KIAA1958: variants seen among roughly 807,000 people sequenced by gnomAD.
KIAA1958 encodes uncharacterized protein KIAA1958.
In KIAA1958, 14 loss-of-function variants were observed where a neutral mutation model predicts 47.2. The observed-to-expected ratio is 0.30, with a 90% CI of 0.20 to 0.46. The LOEUF is 0.46. Among genes scored for constraint, KIAA1958 ranks in the 20% least tolerant of loss-of-function variants. The probability of loss-of-function intolerance (pLI) is 1.00; values close to 1 mark genes in which losing one functional copy is unlikely to be tolerated. For missense variants in KIAA1958, 803 were observed against 909.2 expected (o/e 0.88, Z 1.50); for synonymous variants, 354 against 353.3 (o/e 1.00, Z -0.02).
intron 1 of KIAA1958, among the ~76,000 whole-genome samples, chr9:112,546,353 C>T (rs1835031533): frequency 6.6e-6 from 1 of 152,114 alleles, no homozygotes; most frequent in Admixed American, 6.5e-5. Context: ...AATTCCCTGC[C>T]CCTTTCCTAG....
At chr9:112,594,469 A>G (rs1272103733) in intron 2 of KIAA1958, among the ~76,000 whole-genome samples, 1 of 152,152 alleles carries the variant, frequency 6.6e-6, no homozygotes, top group Non-Finnish European at 1.5e-5. Flanking sequence ...TAGACATTTT[A>G]TGTAAGTGCA....
intron 1 of KIAA1958, among the ~76,000 whole-genome samples, chr9:112,545,506 T>C (rs1392490438): frequency 6.6e-6 from 1 of 152,200 alleles, no homozygotes; most frequent in South Asian, 2.1e-4. Flanking sequence ...AATATGTATA[T>C]TTTTGTACTT....
chr9:112,540,319 T>C (rs1834919761), intron 1 of KIAA1958, among the ~76,000 whole-genome samples: 1 of 152,216 alleles, frequency 6.6e-6, no homozygotes, highest in African/African-American at 2.4e-5. Context: ...ATCTCTAATT[T>C]ACTTTCAAAT....
At chr9:112,629,273 G>A (rs538077563) in intron 2 of KIAA1958, among the ~76,000 whole-genome samples, 2 of 152,112 alleles carry the variant, frequency 1.3e-5, no homozygotes, top group Non-Finnish European at 2.9e-5. Flanking sequence ...AAAAACTATA[G>A]TAGTGTTCTT....
At chr9:112,614,163 AGTTTAC>A (rs1836373126) in intron 2 of KIAA1958, among the ~76,000 whole-genome samples, 2 of 152,204 alleles carry the variant, frequency 1.3e-5, no homozygotes, top group Admixed American at 1.3e-4. Context: ...GACACAAAAG[AGTTTAC>A]GTTCTAAGAG....
chr9:112,659,464 G>A lies in KIAA1958; in HGVS notation c.1546G>A (p.Val516Met). ...STKKLKEKLWVLSKAGMSGAR... is the reference protein window; with the variant it reads ...STKKLKEKLWMLSKAGMSGAR... Reference sequence around the variant, plus strand: ...CAAGAAACTCAAGGAGAAGCTGTGGGTGCTGAGTAAGGCAGGCATGTCGGG... The same window carrying A: ...CAAGAAACTCAAGGAGAAGCTGTGGATGCTGAGTAAGGCAGGCATGTCGGG... Residue 516 changes from valine (V) to methionine (M), a missense_variant, in exon 4 of 4, where the codon GTG becomes ATG. Physicochemically the swap from Val to Met is conservative, Grantham distance 21. Transcript: ENST00000337530. 1 of 1,613,990 alleles carries A rather than the reference G, an allele frequency of 6.2e-7. No homozygotes were observed. The highest frequency in any genetic ancestry group is 8.5e-7 in the Non-Finnish European group (1 of 1,179,960).
chr9:112,599,816 A>C (rs959937175), intron 2 of KIAA1958, among the ~76,000 whole-genome samples: 2 of 152,244 alleles, frequency 1.3e-5, no homozygotes, highest in Non-Finnish European at 2.9e-5. Flanking sequence ...TTTATGTATT[A>C]TACCAGCAGC....
At chr9:112,653,423 A>G (rs1837094332) in intron 3 of KIAA1958, among the ~76,000 whole-genome samples, 1 of 152,134 alleles carries the variant, frequency 6.6e-6, no homozygotes, top group Admixed American at 6.5e-5. Context: ...TTTGTTCATG[A>G]TTTGATGAGT....
At chr9:112,530,016 TG>T (rs1834726973) in intron 1 of KIAA1958, among the ~76,000 whole-genome samples, 1 of 152,100 alleles carries the variant, frequency 6.6e-6, no homozygotes, top group Non-Finnish European at 1.5e-5. Flanking sequence ...GCTAATTTTT[TG>T]TTTTTTTAGT....
At chr9:112,607,708 G>A (rs1836258938) in intron 2 of KIAA1958, among the ~76,000 whole-genome samples, 1 of 119,942 alleles carries the variant, frequency 8.3e-6, no homozygotes, top group Admixed American at 1.1e-4. Flanking sequence ...TAAAGTTATT[G>A]CCCCTCATTG....
chr9:112,599,692 C>G (rs1836095922), intron 2 of KIAA1958, among the ~76,000 whole-genome samples: 1 of 152,166 alleles, frequency 6.6e-6, no homozygotes, highest in Admixed American at 6.5e-5. Flanking sequence ...ATCCATGTGT[C>G]TTCTACAACT....
At chr9:112,582,278 G>T (rs190957039) in intron 2 of KIAA1958, among the ~76,000 whole-genome samples, 1 of 152,112 alleles carries the variant, frequency 6.6e-6, no homozygotes, top group Non-Finnish European at 1.5e-5. Context: ...TGCTTGAGGG[G>T]CTGAATACCC....
intron 1 of KIAA1958, among the ~76,000 whole-genome samples, chr9:112,529,286 G>A (rs1283598369): frequency 1.3e-5 from 2 of 152,154 alleles, no homozygotes; most frequent in Non-Finnish European, 2.9e-5. Context: ...AGTTCAGAGA[G>A]TTCCCATATC....
At chr9:112,544,712 A>G (rs374339854) in intron 1 of KIAA1958, among the ~76,000 whole-genome samples, 15 of 152,180 alleles carry the variant, frequency 9.9e-5, no homozygotes, top group African/African-American at 3.6e-4. Context: ...TCTGCAACTT[A>G]TACATTTCCA....
chr9:112,492,005 A>G (rs1026002272), intron 1 of KIAA1958, among the ~76,000 whole-genome samples: 1 of 152,204 alleles, frequency 6.6e-6, no homozygotes, highest in African/African-American at 2.4e-5. Context: ...CATAATCACC[A>G]TATATCAAAA....
intron 1 of KIAA1958, among the ~76,000 whole-genome samples, chr9:112,492,916 C>CTTTTTTTTTTT: frequency 8.8e-6 from 1 of 114,186 alleles, no homozygotes; most frequent in African/African-American, 3.5e-5. Flanking sequence ...GCCCAGCTCA[C>CTTTTTTTTTTT]TTTTTTTTTT....
intron 1 of KIAA1958, among the ~76,000 whole-genome samples, chr9:112,491,403 G>A (rs1833965812): frequency 1.3e-5 from 2 of 152,130 alleles, no homozygotes; most frequent in Admixed American, 1.3e-4. Context: ...CCTAGCACCA[G>A]GGAGTAGCTC....
chr9:112,561,056 A>AC (rs1835319380), intron 1 of KIAA1958, among the ~76,000 whole-genome samples: 1 of 141,090 alleles, frequency 7.1e-6, no homozygotes, highest in Admixed American at 7.1e-5. Flanking sequence ...TGTCTTTGCA[A>AC]TTTTTTTTTT....
intron 2 of KIAA1958, among the ~76,000 whole-genome samples, chr9:112,583,123 G>A (rs1032175135): frequency 2.0e-5 from 3 of 152,146 alleles, no homozygotes; most frequent in Non-Finnish European, 4.4e-5. Flanking sequence ...ATCTATGTGA[G>A]AGAATTCCCT....
Sources: allele counts gnomAD v4.1 joint callset (sites outside exome capture counted in the v4.1 genomes callset), GRCh38; gene constraint gnomAD v4.1.1; transcripts MANE v1.5; gene names NCBI Gene and HGNC (gene_info 2026-07-23, HGNC 2026-07-21).